The following AGAP4 variants were observed in gnomAD, a reference collection of about 807,000 sequenced individuals.
AGAP4 encodes arf-GAP with GTPase, ANK repeat and PH domain-containing protein 4.
A neutral mutation model predicts 60.7 loss-of-function variants in AGAP4; 13 were observed. That is an observed-to-expected ratio of 0.21 (90% CI 0.14 to 0.34). The LOEUF (loss-of-function observed/expected upper bound fraction) is 0.34, where lower values mean the gene tolerates loss of function less well. AGAP4 is among the 10% of genes least tolerant of loss of function. The pLI is 1.00. For synonymous variants in AGAP4, 70 were observed against 339.0 expected, an observed-to-expected ratio of 0.21 and a Z score of 8.72; for missense variants, 169 against 884.0, an observed-to-expected ratio of 0.19 and a Z score of 10.26.
At chr10:45,844,223 T>C in intron 3 of AGAP4, 103 bp downstream of exon 3, 3 of 1,233,812 alleles carry the variant, frequency 2.4e-6, no homozygotes, top group Non-Finnish European at 3.4e-6. Context: ...TGTGAAAAGA[T>C]GAAAATTTTA....
intron 4 of AGAP4, among the ~76,000 whole-genome samples, chr10:45,834,365 C>T (rs2058777297): frequency 7.2e-6 from 1 of 139,300 alleles, no homozygotes; most frequent in Non-Finnish European, 1.5e-5. Flanking sequence ...TTATGAATTA[C>T]CGTTAAAAAT....
intron 2 of AGAP4, among the ~76,000 whole-genome samples, chr10:45,844,972 T>A (rs2058978030): frequency 8.8e-6 from 1 of 114,104 alleles, no homozygotes; most frequent in Non-Finnish European, 1.9e-5. Flanking sequence ...AGGCCTTATT[T>A]GTATTGGAAA....
chr10:45,846,364 A>G (rs2058999271), intron 2 of AGAP4, among the ~76,000 whole-genome samples: 1 of 151,394 alleles, frequency 6.6e-6, no homozygotes, highest in South Asian at 2.1e-4. Context: ...AGCAGCTTCT[A>G]TCAAGGTGAC....
upstream of AGAP4, chr10:45,854,205 T>G (rs1379147549): frequency 5.3e-6 from 1 of 187,306 alleles, no homozygotes; most frequent in Admixed American, 5.4e-5. Context: ...AACATTCTAC[T>G]GATTTCTGGG....
intron 4 of AGAP4, among the ~76,000 whole-genome samples, chr10:45,835,987 G>T (rs1246045595): frequency 6.6e-6 from 1 of 151,266 alleles, no homozygotes; most frequent in African/African-American, 2.4e-5. Flanking sequence ...AAATGGAAGG[G>T]GTTACTTAGT....
At chr10:45,851,394 G>C (rs1456496883), upstream of AGAP4, among the ~76,000 whole-genome samples, 1 of 151,960 alleles carries the variant, frequency 6.6e-6, no homozygotes, top group East Asian at 1.9e-4. Context: ...TGTTCAATAG[G>C]TACTCAACAT....
intron 4 of AGAP4, among the ~76,000 whole-genome samples, chr10:45,834,652 C>G (rs1382373675): frequency 1.8e-5 from 1 of 54,326 alleles, no homozygotes; most frequent in Non-Finnish European, 2.9e-5. Flanking sequence ...TCCAGGCCGG[C>G]AGACAAAGTG....
In AGAP4 at chr10:45,826,925, C is replaced by A; in HGVS notation, c.1051G>T (p.Ala351Ser). Reference protein sequence around the residue: ...PGKWPSLATSACTPISTSKSN... With the variant: ...PGKWPSLATSSCTPISTSKSN... ...TTAGAGGTGGAGATGGGTGTGCAGG[C>A]CGATGTGGCTAGGGATGGCCACTTT... Residue 351 changes from alanine (A) to serine (S), a missense_variant, in exon 8 of 8, where the codon GCC becomes TCC. Physicochemically the swap from Ala to Ser is moderately conservative, Grantham distance 99 (BLOSUM62 1). Transcript: ENST00000616763. 7.3e-7 allele frequency: 1 copy of A among 1,363,030 alleles called. No homozygotes were observed. The highest frequency in any genetic ancestry group is 1.0e-6 in the Non-Finnish European group (1 of 989,364). 84.4% of individuals were successfully genotyped at this position (1,363,030 alleles called of 1,614,324 possible).
upstream of AGAP4, among the ~76,000 whole-genome samples, chr10:45,852,100 G>C (rs1395736850): frequency 1.3e-5 from 2 of 149,926 alleles, no homozygotes; most frequent in Non-Finnish European, 3.0e-5. Context: ...TTTTAGTAGA[G>C]ACGGGGTTTC....
intron 2 of AGAP4, among the ~76,000 whole-genome samples, chr10:45,845,781 T>G (rs2058988577): frequency 1.2e-5 from 1 of 84,756 alleles, no homozygotes; most frequent in Middle Eastern, 4.8e-3. Flanking sequence ...TTTTGTATTT[T>G]TTTTTTAGTA....
chr10:45,845,664 G>A lies in AGAP4; in HGVS notation c.292+1023C>T, dbSNP rs868933052. On this transcript the variant is annotated intron_variant, in intron 2 of 7. Coordinates refer to ENST00000616763, the MANE Select transcript of AGAP4 (RefSeq NM_001276343.3). ...GTCACCCAGGCTGGAGTGCATTGGC[G>A]TGATCTCTGCTCACTGCAACCTCCA... 1.5e-4 allele frequency among the ~76,000 whole-genome samples: 16 copies of A among 106,628 alleles called. 3 individuals carry two copies. Among genetic ancestry groups the A allele is most frequent in the African/African-American group, 5.6e-4 (16 of 28,706 alleles). The allele number at this position is 106,628 out of a possible 152,430, so 70.0% of individuals were successfully genotyped here.
At chr10:45,841,934 CAAAAG>C (rs1334838412) in intron 3 of AGAP4, among the ~76,000 whole-genome samples, 4 of 151,174 alleles carry the variant, frequency 2.6e-5, no homozygotes, top group East Asian at 1.9e-4. Context: ...TCCTCATGTA[CAAAAG>C]AAAAGGGCAA....
Position 45,826,411 on chromosome 10 carries a change from T to C in AGAP4, c.1565A>G (p.Asp522Gly). Residue 522 changes from aspartate (D) to glycine (G), a missense_variant, in exon 8 of 8, where the codon GAT becomes GGT. By Grantham distance (94) the Asp-to-Gly change is moderately conservative. Transcript: ENST00000616763. ...RLSRVRSLEL[D>G]DWPVELRKVM... ...CTTCCTGAGCTCAACTGGCCAGTCA[T>C]CCAGCTCCAGAGATCGCACACGGGA... 2 of 1,606,512 alleles carry C rather than the reference T, an allele frequency of 1.2e-6. No individual in the cohort carries two copies. Among genetic ancestry groups the C allele is most frequent in the Non-Finnish European group, 1.7e-6 (2 of 1,176,256 alleles).
upstream of AGAP4, among the ~76,000 whole-genome samples, chr10:45,848,689 G>A (rs1253970879): frequency 6.6e-6 from 1 of 152,114 alleles, no homozygotes; most frequent in Non-Finnish European, 1.5e-5. Context: ...TTATCAGAAA[G>A]TATAGCAGTC....
chr10:45,852,718 G>C (rs1419025147), intron 1 of AGAP4, among the ~76,000 whole-genome samples: 4 of 151,846 alleles, frequency 2.6e-5, no homozygotes, highest in African/African-American at 9.7e-5. Flanking sequence ...CACAGTGGAA[G>C]GAAAAATAAT....
upstream of AGAP4, among the ~76,000 whole-genome samples, chr10:45,850,354 TACAC>T (rs1232947919): frequency 1.3e-5 from 2 of 151,554 alleles, no homozygotes; most frequent in Non-Finnish European, 2.9e-5. Context: ...TGTAGGCAGA[TACAC>T]AAACAAAGCC....
intron 3 of AGAP4, chr10:45,844,118 T>C (rs1342628255): frequency 3.4e-6 from 2 of 595,632 alleles, no homozygotes; most frequent in Non-Finnish European, 5.8e-6. Context: ...GATAAAAAGA[T>C]GGCAAAATGT....
chr10:45,847,099 G>C lies in AGAP4; in HGVS notation c.223+26C>G, dbSNP rs2059011517. The C allele has an allele frequency of 5.6e-6, 9 of 1,597,106 alleles. No homozygotes were observed. The South Asian group carries it at 9.9e-5, about 18-fold the overall frequency. On this transcript the variant is annotated intron_variant, in intron 1 of 7. Transcript: ENST00000616763. ...AGTAGCAGCCAGAGGCAAACCGAGGGTAGATGGCACCTATCACCTCCTCAC... is the reference window on the plus strand; with the variant it reads ...AGTAGCAGCCAGAGGCAAACCGAGGCTAGATGGCACCTATCACCTCCTCAC...
In AGAP4 at chr10:45,826,556, G is replaced by T; in HGVS notation, c.1420C>A (p.Arg474Ser). 2 of 1,576,988 alleles carry T rather than the reference G, an allele frequency of 1.3e-6. 1 individual carries two copies. The highest frequency in any genetic ancestry group is 1.7e-6 in the Non-Finnish European group (2 of 1,160,740). The change falls in exon 8 of 8, where the codon CGT becomes AGT. Residue 474 changes from arginine to serine, a missense_variant. Physicochemically the swap from Arg to Ser is moderately radical, Grantham distance 110. Transcript: ENST00000616763. ...CAGTCCACACAGTGGGCGTTCCCAC[G>T]CATGTTTTGGATCGACTGCAGGGCC... ...AMALQSIQNM[R>S]GNAHCVDCET... is the part of the protein sequence containing the mutation.
Sources: allele counts gnomAD v4.1 joint callset (sites outside exome capture counted in the v4.1 genomes callset), GRCh38; gene constraint gnomAD v4.1.1; transcripts MANE v1.5; gene names NCBI Gene and HGNC (gene_info 2026-07-23, HGNC 2026-07-21).